GLRA3: variants seen among roughly 807,000 people sequenced by gnomAD.
GLRA3 encodes the protein glycine receptor subunit alpha-3.
Under a neutral mutation model 60.4 loss-of-function variants are expected in GLRA3, and 44 were observed. The observed-to-expected ratio is 0.73, with a 90% CI of 0.57 to 0.94. The LOEUF is 0.94. Among genes scored for constraint, GLRA3 ranks in the 40% least tolerant of loss-of-function variants. GLRA3 has a pLI of 0.00. For synonymous variants in GLRA3, 223 were observed against 192.9 expected (o/e 1.16, Z -1.29); for missense variants, 508 against 564.6 (o/e 0.90, Z 1.02).
chr4:174,771,555 A>G (rs1579580137), intron 2 of GLRA3, among the ~76,000 whole-genome samples: 2 of 152,096 alleles, frequency 1.3e-5, no homozygotes, highest in African/African-American at 4.8e-5. Flanking sequence ...AAAGGAAAAC[A>G]TAAGAACATC....
intron 1 of GLRA3, among the ~76,000 whole-genome samples, chr4:174,816,663 C>G (rs1740512919): frequency 6.8e-6 from 1 of 147,910 alleles, no homozygotes; most frequent in African/African-American, 2.5e-5. Context: ...AATTGTGTTT[C>G]CTTCTCTCTG....
chr4:174,788,590 T>TAAAAAAAAAA (rs35640897), intron 2 of GLRA3, among the ~76,000 whole-genome samples: 108 of 87,610 alleles, frequency 1.2e-3, no homozygotes, highest in African/African-American at 1.3e-3. Flanking sequence ...GTTAGAGAAG[T>TAAAAAAAAAA]AAAAAAAAAA....
At chr4:174,686,477 G>T (rs1315247172) in intron 5 of GLRA3, among the ~76,000 whole-genome samples, 2 of 152,162 alleles carry the variant, frequency 1.3e-5, no homozygotes, top group African/African-American at 4.8e-5. Context: ...TCATATGGTA[G>T]CTACAATAAA....
chr4:174,812,891 C>T (rs1740327496), intron 1 of GLRA3, among the ~76,000 whole-genome samples: 1 of 152,068 alleles, frequency 6.6e-6, no homozygotes, highest in Non-Finnish European at 1.5e-5. Context: ...ATAGGCAAAA[C>T]ATTAACAGTT....
intron 4 of GLRA3, among the ~76,000 whole-genome samples, chr4:174,723,953 T>G (rs1736222532): frequency 6.6e-6 from 1 of 151,800 alleles, no homozygotes; most frequent in South Asian, 2.1e-4. Flanking sequence ...ATTCCACTAT[T>G]CCTATTCATT....
intron 5 of GLRA3, among the ~76,000 whole-genome samples, chr4:174,707,002 A>G (rs1735543903): frequency 1.3e-5 from 2 of 152,202 alleles, no homozygotes; most frequent in African/African-American, 2.4e-5. Context: ...TAATCTTATT[A>G]CCAACTATGC....
At position 174,657,350 on chromosome 4, in the gene GLRA3, G is replaced by C. The variant is rs140757655; in HGVS notation, c.1072-563C>G. Among the ~76,000 whole-genome samples, 456 of 152,204 alleles carry C rather than the reference G, an allele frequency of 3.0e-3. 1 individual carries two copies. The highest frequency in any genetic ancestry group is 0.01 in the African/African-American group (423 of 41,568). On this transcript the variant is annotated intron_variant, in intron 8 of 9. Transcript: ENST00000274093. ...TTCACAGTTTACCCATTTGGACACC[G>C]GATGCACAATACTTCTCTTTTCTAG...
In GLRA3 at chr4:174,728,500, T is replaced by G. The variant is rs1430565568; in HGVS notation, c.466A>C (p.Asn156His). 6.2e-7 allele frequency: 1 copy of G among 1,604,334 alleles called. No individual in the cohort carries two copies. ...CTTATTGAATAAAGAACATTTCCAT[T>G]TTTGAAAATTCTTAGCAATTTGTTG... is the stretch of plus-strand genomic sequence containing the variant. Reference protein sequence around the residue: ...TDNKLLRIFKNGNVLYSIRLT... With the variant: ...TDNKLLRIFKHGNVLYSIRLT... Residue 156 changes from asparagine (N) to histidine (H), a missense_variant, in exon 4 of 10, where the codon AAT (asparagine) becomes CAT (histidine). Asn to His is a moderately conservative substitution (Grantham distance 68, BLOSUM62 1). Around this residue, in one of 3 missense-constraint regions of GLRA3, gnomAD observed 329 missense variants for 349.3 expected, o/e 0.94. Transcript: ENST00000274093.
chr4:174,802,583 C>T (rs945188963), intron 1 of GLRA3, among the ~76,000 whole-genome samples: 4 of 152,164 alleles, frequency 2.6e-5, no homozygotes, highest in African/African-American at 9.6e-5. Flanking sequence ...AAACTAATCT[C>T]CTGTCTCCTG....
At chr4:174,682,118 G>T (rs1290076475) in intron 6 of GLRA3, among the ~76,000 whole-genome samples, 1 of 152,132 alleles carries the variant, frequency 6.6e-6, no homozygotes, top group Non-Finnish European at 1.5e-5. Flanking sequence ...ATGGAGTGAT[G>T]CCTCAATCAT....
intron 3 of GLRA3, among the ~76,000 whole-genome samples, chr4:174,736,027 T>G (rs1024447834): frequency 1.3e-5 from 2 of 152,090 alleles, no homozygotes; most frequent in Non-Finnish European, 2.9e-5. Flanking sequence ...CTACAAATGA[T>G]CTTCAAATCA....
intron 5 of GLRA3, among the ~76,000 whole-genome samples, chr4:174,688,317 TCATATATATATATATATA>T (rs1199910136): frequency 0.012 from 822 of 71,338 alleles, 46 homozygotes; most frequent in African/African-American, 0.037. Context: ...TTACCTGACA[TCATATATATATATATATA>T]TATATATATA....
intron 8 of GLRA3, 62 bp downstream of exon 8, chr4:174,658,992 C>A: frequency 7.1e-7 from 1 of 1,414,364 alleles, no homozygotes; most frequent in Middle Eastern, 2.2e-4. Context: ...CTATTAAATA[C>A]AACAAATTCA....
intron 2 of GLRA3, among the ~76,000 whole-genome samples, chr4:174,788,590 TAAAAAAA>T (rs35640897): frequency 1.1e-5 from 1 of 87,876 alleles, no homozygotes; most frequent in African/African-American, 4.3e-5. Flanking sequence ...GTTAGAGAAG[TAAAAAAA>T]AAAAAAAAAA....
chr4:174,643,644 C>A lies in GLRA3; in HGVS notation c.*142G>T. 7.2e-7 allele frequency: 1 copy of A among 1,394,404 alleles called. No individual in the cohort carries two copies. The highest frequency in any genetic ancestry group is 9.3e-7 in the Non-Finnish European group (1 of 1,071,872). The allele number at this position is 1,394,404 out of a possible 1,614,324, so 86.4% of individuals were successfully genotyped here. On this transcript the variant is annotated 3_prime_UTR_variant, in exon 10 of 10. Coordinates refer to ENST00000274093, the MANE Select transcript of GLRA3 (RefSeq NM_006529.4). The stretch of plus-strand genomic sequence containing the variant: ...CTTTCTCATGACTTTGCATAGCTAA[C>A]CAAAATACAAAGCTTTTCCATATGC...
intron 5 of GLRA3, among the ~76,000 whole-genome samples, chr4:174,695,731 C>G (rs1166827510): frequency 1.3e-5 from 2 of 152,034 alleles, no homozygotes; most frequent in South Asian, 2.1e-4. Context: ...ATTGAAAGTA[C>G]TAGGCAGAGC....
intron 1 of GLRA3, among the ~76,000 whole-genome samples, chr4:174,805,994 G>A (rs888820627): frequency 2.0e-5 from 3 of 152,022 alleles, no homozygotes; most frequent in African/African-American, 7.2e-5. Flanking sequence ...CCTTTGTCCG[G>A]ATATTACTTC....
intron 3 of GLRA3, among the ~76,000 whole-genome samples, chr4:174,744,997 C>T (rs925864752): frequency 1.3e-5 from 2 of 151,954 alleles, no homozygotes; most frequent in Admixed American, 6.6e-5. Context: ...TGAAGAACTC[C>T]CCGAATAAAA....
intron 1 of GLRA3, among the ~76,000 whole-genome samples, chr4:174,791,486 A>G (rs1267432817): frequency 1.3e-5 from 2 of 152,150 alleles, no homozygotes; most frequent in Non-Finnish European, 2.9e-5. Context: ...CCAACCTTCT[A>G]TTGAATTTTT....
Sources: gnomAD v4.1 joint callset for allele counts (sites outside exome capture counted in the v4.1 genomes callset) on GRCh38, gnomAD v4.1.1 for gene constraint, gnomAD v4.1.1 regional missense constraint, MANE v1.5 for transcripts, NCBI Gene and HGNC (gene_info 2026-07-23, HGNC 2026-07-21) for gene names.